GBP2: variants seen among roughly 807,000 people sequenced by gnomAD.
GBP2 encodes the protein guanylate binding protein 2, also known as guanylate-binding protein 2.
GBP2 carries 54 observed loss-of-function variants against 60.8 expected under a neutral mutation model. The ratio of observed to expected loss-of-function variants is 0.89; its 90% CI spans 0.71 to 1.11. GBP2 has a LOEUF of 1.11. Among genes scored for constraint, GBP2 ranks in the 50% most tolerant of loss-of-function variants. The pLI is 0.00. For missense variants in GBP2, 665 were observed against 703.3 expected (o/e 0.95, Z 0.62); for synonymous variants, 243 against 256.5 (o/e 0.95, Z 0.50).
intron 6 of GBP2, 98 bp downstream of exon 6, chr1:89,116,894 G>T: frequency 8.6e-7 from 1 of 1,163,928 alleles, no homozygotes; most frequent in Non-Finnish European, 1.3e-6. Context: ...AATAGACTAT[G>T]CATTTGTCAG....
At chr1:89,121,477 C>T (rs1196931004) in intron 2 of GBP2, among the ~76,000 whole-genome samples, 1 of 152,124 alleles carries the variant, frequency 6.6e-6, no homozygotes, top group African/African-American at 2.4e-5. Flanking sequence ...TGAAAGCTTG[C>T]TGTCACTACA....
intron 8 of GBP2, 148 bp from the exon 9 acceptor site, chr1:89,110,414 A>C: frequency 1.6e-6 from 1 of 639,566 alleles, no homozygotes; most frequent in Non-Finnish European, 2.7e-6. Context: ...ACAATTCGCA[A>C]TTGTAAAAAT....
intron 1 of GBP2, 144 bp from the exon 2 acceptor site, chr1:89,122,127 G>A (rs1390639633): frequency 5.9e-6 from 3 of 510,970 alleles, no homozygotes; most frequent in Non-Finnish European, 1.0e-5. Flanking sequence ...TCTCTTTAAG[G>A]CTGTCTTACA....
At chr1:89,117,876 T>C in intron 4 of GBP2, 103 bp from the exon 5 acceptor site, 1 of 850,368 alleles carries the variant, frequency 1.2e-6, no homozygotes, top group Non-Finnish European at 1.8e-6. Context: ...ATTAGCTCAT[T>C]CATTCATTCA....
chr1:89,114,311 T>G lies in GBP2; in HGVS notation c.869-15A>C, dbSNP rs989304661. 1 of 1,606,094 alleles carries G rather than the reference T, an allele frequency of 6.2e-7. No individual in the cohort carries two copies. The highest frequency in any genetic ancestry group is 8.5e-7 in the Non-Finnish European group (1 of 1,174,570). On this transcript the variant is annotated splice_polypyrimidine_tract_variant and intron_variant, in intron 6 of 10. Coordinates refer to ENST00000370466, the MANE Select transcript of GBP2 (RefSeq NM_004120.5). ...GCTCTCTAGACCTGCAAAAGGGAAT[T>G]TTTAAAAAAATGTGACTATCAGTTG... is the stretch of plus-strand genomic sequence containing the variant.
intron 6 of GBP2, among the ~76,000 whole-genome samples, chr1:89,116,323 A>G (rs2100615753): frequency 6.6e-6 from 1 of 152,170 alleles, no homozygotes; most frequent in East Asian, 1.9e-4. Flanking sequence ...CAACTCAATC[A>G]TTTTTAAGTT....
chr1:89,110,349 A>T, intron 8 of GBP2, 83 bp from the exon 9 acceptor site: 4 of 957,710 alleles, frequency 4.2e-6, no homozygotes, highest in Non-Finnish European at 6.6e-6. Context: ...ATCTACCCAG[A>T]GGAAAATAAG....
chr1:89,117,470 C>A, intron 5 of GBP2, 107 bp downstream of exon 5: 2 of 1,094,760 alleles, frequency 1.8e-6, no homozygotes, highest in East Asian at 2.4e-5. Flanking sequence ...GCAGAACAGT[C>A]AGAAAAATAC....
Position 89,117,615 on chromosome 1 carries a change from G to T in GBP2, c.587C>A (p.Ala196Asp). Residue 196 changes from alanine to aspartate, a missense_variant, in exon 5 of 11, where the codon GCT becomes GAT. Ala to Asp is a moderately radical substitution (Grantham distance 126). Transcript: ENST00000370466. Reference sequence around the variant, plus strand: ...TAGCGAAAGCTCCAAGTAGTCATCAGCAGTGATGGGTTCTCCATCTACTTC... The same window carrying T: ...TAGCGAAAGCTCCAAGTAGTCATCATCAGTGATGGGTTCTCCATCTACTTC... ...ELEVDGEPITADDYLELSLKL... is the reference protein window; with the variant it reads ...ELEVDGEPITDDDYLELSLKL... 1 of 1,614,054 alleles carries T rather than the reference G, an allele frequency of 6.2e-7. No homozygotes were observed. Among genetic ancestry groups the T allele is most frequent in the Non-Finnish European group, 8.5e-7 (1 of 1,179,954 alleles).
Position 89,114,183 on chromosome 1 carries a change from T to C in GBP2, c.982A>G (p.Lys328Glu). The C allele has an allele frequency of 1.2e-6, 2 of 1,614,224 alleles. No homozygotes were observed. The highest frequency in any genetic ancestry group is 1.7e-6 in the Non-Finnish European group (2 of 1,180,050). Residue 328 changes from lysine to glutamate, a missense_variant, in exon 7 of 11, where the codon AAG becomes GAG. Transcript: ENST00000370466. ...TGCTGTTCATAGTGGGCAATAGCCT[T>C]TTCCACTGCGGCTGAGTTCTCTATC... ...AQIENSAAVEKAIAHYEQQMG... is the reference protein window; with the variant it reads ...AQIENSAAVEEAIAHYEQQMG...
chr1:89,121,629 C>A, intron 2 of GBP2, 148 bp downstream of exon 2: 1 of 803,254 alleles, frequency 1.2e-6, no homozygotes, highest in Non-Finnish European at 1.9e-6. Context: ...GACTGTAATC[C>A]TCCAAAGTCA....
At chr1:89,113,512 A>T (rs1681206816) in intron 7 of GBP2, among the ~76,000 whole-genome samples, 2 of 152,198 alleles carry the variant, frequency 1.3e-5, no homozygotes, top group African/African-American at 4.8e-5. Context: ...TCATTTGTCA[A>T]GTGGTCATTC....
intron 3 of GBP2, 52 bp from the exon 4 acceptor site, chr1:89,120,340 T>C (rs781279742): frequency 1.4e-6 from 2 of 1,392,282 alleles, no homozygotes; most frequent in African/African-American, 2.8e-5. Flanking sequence ...GAATGTACAA[T>C]CAATTCAGAT....
At chr1:89,108,578 TTTG>T (rs772997687) in intron 10 of GBP2, among the ~76,000 whole-genome samples, 23 of 152,304 alleles carry the variant, frequency 1.5e-4, no homozygotes, top group Admixed American at 2.6e-4. Flanking sequence ...TCTTGTTCTT[TTTG>T]TTGTTGTTGT....
chr1:89,107,973 A>C lies in GBP2; in HGVS notation c.*202T>G. 1 of 439,468 alleles carries C rather than the reference A, an allele frequency of 2.3e-6. No individual in the cohort carries two copies. Among genetic ancestry groups the C allele is most frequent in the Non-Finnish European group, 4.1e-6 (1 of 245,468 alleles). 27.2% of individuals were successfully genotyped at this position (439,468 alleles called of 1,614,324 possible). Reference sequence around the variant, plus strand: ...CATATTAAAAGTTAGTACTATAAATAAGCATGAGTTGAATTGCTCTGTAGG... The same window carrying C: ...CATATTAAAAGTTAGTACTATAAATCAGCATGAGTTGAATTGCTCTGTAGG... On this transcript the variant is annotated 3_prime_UTR_variant, in exon 11 of 11. Transcript: ENST00000370466.
chr1:89,108,740 A>T (rs1026951661), intron 10 of GBP2, among the ~76,000 whole-genome samples: 61 of 152,222 alleles, frequency 4.0e-4, no homozygotes, highest in African/African-American at 1.4e-3. Context: ...CAAAATTCGG[A>T]GGTAACAGAA....
At chr1:89,109,955 A>G in intron 9 of GBP2, 85 bp from the exon 10 acceptor site, 1 of 1,276,294 alleles carries the variant, frequency 7.8e-7, no homozygotes, top group Non-Finnish European at 1.1e-6. Context: ...TGTTTGTCTT[A>G]TCCTTACATC....
At position 89,112,466 on chromosome 1, in the gene GBP2, G is replaced by A. The variant is rs751754872; in HGVS notation, c.1362+6C>T. On this transcript the variant is annotated splice_donor_region_variant and intron_variant, in intron 8 of 10. Transcript: ENST00000370466. Reference sequence around the variant, plus strand: ...CCCAAGAAATGGTACCCACCGTGTAGTTTACCTGTATCCCCTTCCTTGGCA... The same window carrying A: ...CCCAAGAAATGGTACCCACCGTGTAATTTACCTGTATCCCCTTCCTTGGCA... 2 of 1,612,890 alleles carry A rather than the reference G, an allele frequency of 1.2e-6. No homozygotes were observed. Among genetic ancestry groups the A allele is most frequent in the South Asian group, 2.2e-5 (2 of 91,058 alleles).
intron 8 of GBP2, among the ~76,000 whole-genome samples, chr1:89,110,833 C>T (rs938596789): frequency 6.6e-6 from 1 of 152,112 alleles, no homozygotes; most frequent in African/African-American, 2.4e-5. Context: ...CTGCTCCCCC[C>T]AAAACCTATA....
Sources: gnomAD v4.1 joint callset for allele counts (sites outside exome capture counted in the v4.1 genomes callset) on GRCh38, gnomAD v4.1.1 for gene constraint, MANE v1.5 for transcripts, NCBI Gene and HGNC (gene_info 2026-07-23, HGNC 2026-07-21) for gene names.